Variants in RPH3A observed in about 807,000 individuals in gnomAD.
The protein encoded by RPH3A is rabphilin 3A.
Under a neutral mutation model 102.2 loss-of-function variants are expected in RPH3A, and 48 were observed. The observed-to-expected ratio is 0.47, with a 90% confidence interval of 0.37 to 0.60. RPH3A has a LOEUF of 0.60. RPH3A is among the 20% of genes least tolerant of loss of function. The pLI is 0.00. For synonymous variants in RPH3A, 310 were observed against 324.3 expected (o/e 0.96, Z 0.47); for missense variants, 781 against 910.1 (o/e 0.86, Z 1.83).
chr12:112,866,226 A>G (rs1050118960), intron 6 of RPH3A, among the ~76,000 whole-genome samples: 2 of 152,140 alleles, frequency 1.3e-5, no homozygotes, highest in Non-Finnish European at 1.5e-5. Context: ...ATTCTGAAAA[A>G]CTTGCCAGTC....
chr12:112,827,599 C>T (rs190889793), intron 2 of RPH3A, among the ~76,000 whole-genome samples: 95 of 152,220 alleles, frequency 6.2e-4, no homozygotes, highest in Non-Finnish European at 1.2e-3. Flanking sequence ...AGTAGCAATG[C>T]AGGCTGAAAG....
At chr12:112,866,647 G>A (rs1233497638) in intron 6 of RPH3A, 110 bp from the exon 7 acceptor site, 2 of 825,214 alleles carry the variant, frequency 2.4e-6, no homozygotes, top group East Asian at 5.5e-5. Context: ...TGGGAGAAAT[G>A]GAAGCAAGTT....
intron 1 of RPH3A, among the ~76,000 whole-genome samples, chr12:112,783,754 A>C (rs956835630): frequency 6.6e-6 from 1 of 152,220 alleles, no homozygotes; most frequent in Non-Finnish European, 1.5e-5. Context: ...AAGCTCACAC[A>C]ACCAGTGAGT....
chr12:112,764,701 T>TTATTA (rs1565873636), intron 1 of RPH3A, among the ~76,000 whole-genome samples: 65 of 150,846 alleles, frequency 4.3e-4, no homozygotes, highest in African/African-American at 1.5e-3. Flanking sequence ...TATTATTATT[T>TTATTA]TTTTGCAATG....
At chr12:112,890,492 GTT>G (rs1474553523) in intron 18 of RPH3A, among the ~76,000 whole-genome samples, 1 of 152,222 alleles carries the variant, frequency 6.6e-6, no homozygotes, top group Non-Finnish European at 1.5e-5. Context: ...TACTGGTTGT[GTT>G]AAGGGAGTCT....
intron 1 of RPH3A, among the ~76,000 whole-genome samples, chr12:112,656,081 A>G (rs564055431): frequency 5.3e-5 from 8 of 152,292 alleles, no homozygotes; most frequent in African/African-American, 1.9e-4. Flanking sequence ...TTGTGCACTT[A>G]GGGGCCATGA....
chr12:112,821,489 A>G (rs1181513269), intron 2 of RPH3A, among the ~76,000 whole-genome samples: 1 of 148,072 alleles, frequency 6.8e-6, no homozygotes. Flanking sequence ...CCATTTCTCC[A>G]ACTTACCAAG....
At chr12:112,687,070 G>A (rs2040271103) in intron 1 of RPH3A, among the ~76,000 whole-genome samples, 1 of 152,198 alleles carries the variant, frequency 6.6e-6, no homozygotes. Context: ...AACTACGATT[G>A]CACCACTGCA....
chr12:112,692,453 A>T (rs1211625253), intron 1 of RPH3A, among the ~76,000 whole-genome samples: 1 of 151,982 alleles, frequency 6.6e-6, no homozygotes, highest in Non-Finnish European at 1.5e-5. Context: ...GTGTCAATTA[A>T]AATAAAAGAA....
At chr12:112,785,989 A>G (rs1000687110) in intron 1 of RPH3A, among the ~76,000 whole-genome samples, 2 of 151,738 alleles carry the variant, frequency 1.3e-5, no homozygotes, top group Non-Finnish European at 3.0e-5. Context: ...TCATTAGCTC[A>G]GTGAAACATC....
At chr12:112,650,093 CA>C (rs1302413087) in intron 1 of RPH3A, among the ~76,000 whole-genome samples, 6 of 152,186 alleles carry the variant, frequency 3.9e-5, no homozygotes, top group Non-Finnish European at 7.3e-5. Flanking sequence ...TATTAGGCAG[CA>C]AATGCAGATC....
At chr12:112,794,786 T>G (rs2136091911) in intron 2 of RPH3A, among the ~76,000 whole-genome samples, 1 of 152,196 alleles carries the variant, frequency 6.6e-6, no homozygotes, top group Middle Eastern at 3.4e-3. Flanking sequence ...CAGCAACATA[T>G]AAACCCACCA....
chr12:112,649,225 C>T (rs776162195), intron 1 of RPH3A, among the ~76,000 whole-genome samples: 6 of 152,216 alleles, frequency 3.9e-5, no homozygotes, highest in East Asian at 1.9e-4. Flanking sequence ...TATTACCTTT[C>T]GGAGTTGGAA....
intron 1 of RPH3A, among the ~76,000 whole-genome samples, chr12:112,605,089 C>A (rs2039585827): frequency 6.6e-6 from 1 of 152,158 alleles, no homozygotes; most frequent in African/African-American, 2.4e-5. Flanking sequence ...AACCACCACA[C>A]TCAGGACAGG....
At position 112,840,101 on chromosome 12, in the gene RPH3A, T is replaced by C. The variant is rs2042117215; in HGVS notation, c.83+3599T>C. Among the ~76,000 whole-genome samples the C allele has an allele frequency of 3.3e-5, 5 of 152,252 alleles. No individual in the cohort carries two copies. The South Asian group carries it at 1.0e-3, about 31-fold the overall frequency. ...GAGTGAAATATTAGGGACATCCTTA[T>C]AATAAACCATATTTCATGCTTTTAC... On this transcript the variant is annotated intron_variant, in intron 4 of 21. Coordinates refer to ENST00000389385, the MANE Select transcript of RPH3A (RefSeq NM_001143854.2).
chr12:112,687,077 T>C (rs951108534), intron 1 of RPH3A, among the ~76,000 whole-genome samples: 6 of 152,218 alleles, frequency 3.9e-5, no homozygotes, highest in Non-Finnish European at 8.8e-5. Context: ...ATTGCACCAC[T>C]GCACCACTCC....
intron 1 of RPH3A, among the ~76,000 whole-genome samples, chr12:112,659,493 T>C (rs1052949922): frequency 6.6e-6 from 1 of 152,224 alleles, no homozygotes; most frequent in African/African-American, 2.4e-5. Context: ...GGATGCTGGT[T>C]TCTCCTTGCA....
chr12:112,760,533 T>C (rs2040848496), intron 1 of RPH3A, among the ~76,000 whole-genome samples: 1 of 152,228 alleles, frequency 6.6e-6, no homozygotes, highest in African/African-American at 2.4e-5. Context: ...AAAGAAGATA[T>C]ACACTTGTGA....
chr12:112,683,742 A>T (rs2040243097), intron 1 of RPH3A, among the ~76,000 whole-genome samples: 1 of 151,852 alleles, frequency 6.6e-6, no homozygotes. Flanking sequence ...GGCCCTGGGG[A>T]TGTTAAATCT....
Sources: allele counts gnomAD v4.1 joint callset (sites outside exome capture counted in the v4.1 genomes callset), GRCh38; gene constraint gnomAD v4.1.1; transcripts MANE v1.5; gene names NCBI Gene and HGNC (gene_info 2026-07-23, HGNC 2026-07-21).